Variants in MYH10 observed in about 807,000 individuals in gnomAD.
MYH10 encodes the protein myosin heavy chain 10.
MYH10 carries 55 observed loss-of-function variants against 257.8 expected under a neutral mutation model. That is an observed-to-expected ratio of 0.21 (90% CI 0.17 to 0.27). The LOEUF (loss-of-function observed/expected upper bound fraction) is 0.27, where lower values mean the gene tolerates loss of function less well. Among genes scored for constraint, MYH10 ranks in the 10% least tolerant of loss-of-function variants. The probability of loss-of-function intolerance (pLI) is 1.00; values close to 1 mark genes in which losing one functional copy is unlikely to be tolerated. For missense variants in MYH10, 1,631 were observed against 2,500.6 expected (o/e 0.65, Z 7.42); for synonymous variants, 854 against 921.7 (o/e 0.93, Z 1.33).
At chr17:8,479,385 T>C (rs1913275783) in intron 40 of MYH10, among the ~76,000 whole-genome samples, 1 of 152,214 alleles carries the variant, frequency 6.6e-6, no homozygotes, top group South Asian at 2.1e-4. Context: ...TTTTGTTGCT[T>C]AACAAATATT....
chr17:8,625,028 C>T (rs1215956533), intron 1 of MYH10, among the ~76,000 whole-genome samples: 2 of 152,110 alleles, frequency 1.3e-5, no homozygotes, highest in Non-Finnish European at 2.9e-5. Flanking sequence ...ATGGGTGGAT[C>T]ACCTGAGGTC....
chr17:8,608,106 A>C (rs530045885), intron 2 of MYH10, among the ~76,000 whole-genome samples: 17 of 152,344 alleles, frequency 1.1e-4, no homozygotes, highest in Admixed American at 8.5e-4. Context: ...TGTACCATGG[A>C]ATGTGAGCGA....
chr17:8,615,524 G>C (rs1301894692), intron 2 of MYH10, among the ~76,000 whole-genome samples: 2 of 152,112 alleles, frequency 1.3e-5, no homozygotes, highest in African/African-American at 4.8e-5. Flanking sequence ...TCTCACTGAT[G>C]AATGAGGATG....
Position 8,480,284 on chromosome 17 carries a change from C to CGCTCGGCTGCTA in MYH10, c.5411_5422dup (p.Leu1804_Glu1807dup). On this transcript the variant is annotated inframe_insertion, in exon 40 of 43. Coordinates refer to ENST00000360416, the MANE Select transcript of MYH10 (RefSeq NM_001256012.3). ...ATTGTCACTCTTCTGGGCGGCGCTG[C>CGCTCGGCTGCTA]GCTCGGCTGCTAGCTCGGCGTTCAG... 6.2e-7 allele frequency: 1 copy of CGCTCGGCTGCTA among 1,614,110 alleles called. No homozygotes were observed. The highest frequency in any genetic ancestry group is 8.5e-7 in the Non-Finnish European group (1 of 1,180,048).
At chr17:8,562,152 T>A (rs867364482) in intron 7 of MYH10, among the ~76,000 whole-genome samples, 1 of 152,244 alleles carries the variant, frequency 6.6e-6, no homozygotes, top group African/African-American at 2.4e-5. Flanking sequence ...GCCAAGCACT[T>A]TGACAACCTG....
At chr17:8,483,060 T>TA (rs148085622) in intron 37 of MYH10, among the ~76,000 whole-genome samples, 7 of 152,014 alleles carry the variant, frequency 4.6e-5, no homozygotes, top group African/African-American at 1.7e-4. Context: ...GAAATCAACT[T>TA]AAAAAACAAG....
At chr17:8,599,259 T>C (rs424753) in intron 3 of MYH10, among the ~76,000 whole-genome samples, 17,847 of 152,236 alleles carry the variant, frequency 0.12, 1,217 homozygotes, top group Non-Finnish European at 0.16. Context: ...ACACCACATT[T>C]GTAAATGTGC....
At chr17:8,564,296 T>C (rs2151989604) in intron 7 of MYH10, among the ~76,000 whole-genome samples, 1 of 152,368 alleles carries the variant, frequency 6.6e-6, no homozygotes, top group South Asian at 2.1e-4. Context: ...TTATGGAGTT[T>C]ATAGCCTCAA....
intron 2 of MYH10, among the ~76,000 whole-genome samples, chr17:8,606,583 C>A (rs1162710678): frequency 6.6e-6 from 1 of 152,188 alleles, no homozygotes; most frequent in Non-Finnish European, 1.5e-5. Flanking sequence ...AGAGACTACT[C>A]TGTTTACTAA....
chr17:8,536,905 G>T (rs946525313), intron 14 of MYH10, among the ~76,000 whole-genome samples: 2 of 152,160 alleles, frequency 1.3e-5, no homozygotes, highest in Non-Finnish European at 2.9e-5. Flanking sequence ...TGGGTATGAG[G>T]TTTCTTTCTG....
At chr17:8,574,757 G>T (rs1455427573) in intron 6 of MYH10, among the ~76,000 whole-genome samples, 1 of 152,160 alleles carries the variant, frequency 6.6e-6, no homozygotes, top group Admixed American at 6.5e-5. Context: ...TCAACCAAAA[G>T]AAACTGTAAC....
At chr17:8,601,626 C>T (rs1388793958) in intron 3 of MYH10, among the ~76,000 whole-genome samples, 1 of 152,196 alleles carries the variant, frequency 6.6e-6, no homozygotes, top group Non-Finnish European at 1.5e-5. Flanking sequence ...GTCTTCAAAT[C>T]TACTGCTCTA....
At chr17:8,519,067 T>C (rs1597721772) in intron 19 of MYH10, 117 bp from the exon 20 acceptor site, 3 of 692,120 alleles carry the variant, frequency 4.3e-6, no homozygotes, top group Non-Finnish European at 7.3e-6. Context: ...GTTAAAGATA[T>C]GATGTAATAC....
At chr17:8,549,430 C>T (rs536924824) in intron 9 of MYH10, among the ~76,000 whole-genome samples, 1 of 152,358 alleles carries the variant, frequency 6.6e-6, no homozygotes, top group East Asian at 1.9e-4. Flanking sequence ...TTAAAGAGAA[C>T]TTACTCTTTT....
chr17:8,502,846 A>C (rs1241246412), intron 28 of MYH10, among the ~76,000 whole-genome samples: 1 of 152,112 alleles, frequency 6.6e-6, no homozygotes, highest in Non-Finnish European at 1.5e-5. Flanking sequence ...AATGATCAGA[A>C]CCTTATTTTC....
chr17:8,480,911 A>C (rs925274063), intron 38 of MYH10, among the ~76,000 whole-genome samples: 17 of 6,712 alleles, frequency 2.5e-3, no homozygotes, highest in African/African-American at 4.7e-3. Context: ...AATTCTAACT[A>C]CTCATGATGG....
At chr17:8,585,282 G>A (rs1288388859) in intron 4 of MYH10, among the ~76,000 whole-genome samples, 1 of 6,756 alleles carries the variant, frequency 1.5e-4, no homozygotes, top group Non-Finnish European at 1.2e-3. Flanking sequence ...GTGCATGTGT[G>A]TGTGTGTATA....
At chr17:8,570,132 A>G (rs1358411404) in intron 6 of MYH10, among the ~76,000 whole-genome samples, 2 of 152,248 alleles carry the variant, frequency 1.3e-5, no homozygotes, top group Non-Finnish European at 2.9e-5. Flanking sequence ...CTTTCATGAA[A>G]TGAAATTTAG....
At chr17:8,611,423 G>C (rs1388716697) in intron 2 of MYH10, among the ~76,000 whole-genome samples, 2 of 152,180 alleles carry the variant, frequency 1.3e-5, no homozygotes, top group Non-Finnish European at 2.9e-5. Flanking sequence ...ATAATATCTG[G>C]AACCTCTGTG....
Sources: gnomAD v4.1 joint callset for allele counts (sites outside exome capture counted in the v4.1 genomes callset) on GRCh38, gnomAD v4.1.1 for gene constraint, MANE v1.5 for transcripts, NCBI Gene and HGNC (gene_info 2026-07-23, HGNC 2026-07-21) for gene names.